CNGA1: variants seen among roughly 807,000 people sequenced by gnomAD.
CNGA1 encodes the protein cyclic nucleotide gated channel subunit alpha 1, also known as cyclic nucleotide-gated channel alpha-1.
Under a neutral mutation model 69.7 loss-of-function variants are expected in CNGA1, and 53 were observed. The observed-to-expected ratio is 0.76, with a 90% CI of 0.61 to 0.96. CNGA1 has a LOEUF of 0.96. Among genes scored for constraint, CNGA1 ranks in the 40% least tolerant of loss-of-function variants. The pLI is 0.00. For missense variants in CNGA1, 739 were observed against 811.2 expected (o/e 0.91, Z 1.08); for synonymous variants, 249 against 283.5 (o/e 0.88, Z 1.22).
intron 3 of CNGA1, among the ~76,000 whole-genome samples, chr4:47,974,329 C>A (rs182230575): frequency 2.8e-4 from 43 of 152,016 alleles, no homozygotes; most frequent in Non-Finnish European, 6.0e-4. Context: ...TCTATATTTT[C>A]TCCTAATATA....
At chr4:48,010,133 A>T (rs1715087681) in intron 2 of CNGA1, among the ~76,000 whole-genome samples, 1 of 152,216 alleles carries the variant, frequency 6.6e-6, no homozygotes, top group East Asian at 1.9e-4. Context: ...ATCAAATAGC[A>T]AAATTTACAT....
At chr4:47,992,586 C>T (rs1017332094) in intron 2 of CNGA1, among the ~76,000 whole-genome samples, 2 of 151,982 alleles carry the variant, frequency 1.3e-5, no homozygotes, top group African/African-American at 4.8e-5. Context: ...TTAGGATTTT[C>T]TAGGTAAACA....
chr4:47,976,911 C>T (rs1381367372), intron 3 of CNGA1, among the ~76,000 whole-genome samples: 4 of 152,122 alleles, frequency 2.6e-5, no homozygotes, highest in African/African-American at 7.2e-5. Flanking sequence ...GACAATATCA[C>T]GTGTGCATAG....
intron 3 of CNGA1, among the ~76,000 whole-genome samples, chr4:47,961,074 T>C (rs1740407511): frequency 6.6e-6 from 1 of 152,170 alleles, no homozygotes; most frequent in South Asian, 2.1e-4. Flanking sequence ...ACAAAAATAT[T>C]TGCATCAAAA....
intron 8 of CNGA1, 109 bp from the exon 9 acceptor site, chr4:47,942,257 A>G: frequency 1.3e-6 from 1 of 744,236 alleles, no homozygotes; most frequent in South Asian, 1.4e-5. Context: ...AAATGGAAGT[A>G]AGCTGGAGAA....
intron 2 of CNGA1, among the ~76,000 whole-genome samples, chr4:47,989,587 C>T (rs998482670): frequency 2.6e-5 from 4 of 151,990 alleles, no homozygotes; most frequent in Non-Finnish European, 5.9e-5. Flanking sequence ...AAATTTTGGT[C>T]AGTCTTAAAG....
intron 2 of CNGA1, among the ~76,000 whole-genome samples, chr4:48,007,237 C>G (rs532175060): frequency 6.6e-6 from 1 of 152,158 alleles, no homozygotes; most frequent in Non-Finnish European, 1.5e-5. Flanking sequence ...ACCTTTATAA[C>G]CTTTATTAAG....
At chr4:47,989,719 A>AT (rs1466056437) in intron 2 of CNGA1, among the ~76,000 whole-genome samples, 12 of 149,104 alleles carry the variant, frequency 8.0e-5, no homozygotes, top group African/African-American at 2.8e-4. Context: ...TTTTGTGGTG[A>AT]TTTGTGAGAT....
At chr4:47,979,029 T>C (rs1476852293) in intron 3 of CNGA1, among the ~76,000 whole-genome samples, 1 of 151,980 alleles carries the variant, frequency 6.6e-6, no homozygotes, top group Non-Finnish European at 1.5e-5. Context: ...TTGTTCAAAA[T>C]CTTGGCACAG....
rs115268343 is a variant in CNGA1 at position 47,989,785 on chromosome 4, T to C, written c.-122-8285A>G. Reference sequence around the variant, plus strand: ...ACTGAACCCTATTTGTAGTCTTTGCTCCCTCACCCCCTTCCCACCCTTTCC... The same window carrying C: ...ACTGAACCCTATTTGTAGTCTTTGCCCCCTCACCCCCTTCCCACCCTTTCC... On this transcript the variant is annotated intron_variant, in intron 2 of 10. Coordinates refer to ENST00000514170, the MANE Select transcript of CNGA1 (RefSeq NM_001379270.1). Among the ~76,000 whole-genome samples, 112 of 150,636 alleles carry C rather than the reference T, an allele frequency of 7.4e-4. 6 individuals are homozygous for C. The highest frequency in any genetic ancestry group is 2.5e-3 in the African/African-American group (101 of 40,024).
intron 3 of CNGA1, among the ~76,000 whole-genome samples, chr4:47,967,403 A>G (rs1406347061): frequency 6.6e-6 from 1 of 152,248 alleles, no homozygotes; most frequent in African/African-American, 2.4e-5. Flanking sequence ...GAATAAGACA[A>G]GGATATTCTA....
intron 2 of CNGA1, among the ~76,000 whole-genome samples, chr4:47,989,962 T>A (rs1742180142): frequency 6.6e-6 from 1 of 152,028 alleles, no homozygotes; most frequent in South Asian, 2.1e-4. Flanking sequence ...TTATAATTTC[T>A]TATGCCTGTC....
chr4:47,945,769 G>A (rs1034101444), intron 6 of CNGA1, among the ~76,000 whole-genome samples: 1 of 152,128 alleles, frequency 6.6e-6, no homozygotes, highest in African/African-American at 2.4e-5. Flanking sequence ...AGGAGTGGTG[G>A]TCTCTCTTAA....
intron 3 of CNGA1, among the ~76,000 whole-genome samples, chr4:47,974,067 TCTAG>T (rs201110296): frequency 1.6e-5 from 2 of 125,184 alleles, no homozygotes; most frequent in South Asian, 2.9e-4. Flanking sequence ...TAACCTGGTC[TCTAG>T]ATAGATAGAT....
intron 6 of CNGA1, among the ~76,000 whole-genome samples, chr4:47,947,070 A>G (rs1739439908): frequency 6.6e-6 from 1 of 152,118 alleles, no homozygotes; most frequent in South Asian, 2.1e-4. Flanking sequence ...TACAGGTGTG[A>G]GCCACCATGC....
At chr4:47,984,992 A>G (rs1378608949) in intron 2 of CNGA1, among the ~76,000 whole-genome samples, 1 of 152,112 alleles carries the variant, frequency 6.6e-6, no homozygotes. Context: ...GCTTAAATAT[A>G]TGGGTTTTGT....
At chr4:47,970,659 A>AAG (rs1235674846) in intron 3 of CNGA1, among the ~76,000 whole-genome samples, 6 of 150,536 alleles carry the variant, frequency 4.0e-5, no homozygotes, top group Admixed American at 6.6e-5. Flanking sequence ...TTAAAAAAAA[A>AAG]AAAGAAAGAA....
In CNGA1 at chr4:47,981,462, G is replaced by T. The variant is rs1741710175; in HGVS notation, c.-84C>A. The T allele has an allele frequency of 6.6e-6, 1 of 152,060 alleles. No homozygotes were observed. Among genetic ancestry groups the T allele is most frequent in the Non-Finnish European group, 1.5e-5 (1 of 68,026 alleles). The allele number at this position is 152,060 out of a possible 1,614,324, so 9.4% of individuals were successfully genotyped here. On this transcript the variant is annotated 5_prime_UTR_variant, in exon 3 of 11. Coordinates refer to ENST00000514170, the MANE Select transcript of CNGA1 (RefSeq NM_001379270.1). ...GTCACTGGTGTATCCAAACAAACAG[G>T]GATATACGGTAAATCTTGACATTGT...
intron 1 of CNGA1, among the ~76,000 whole-genome samples, chr4:48,012,294 T>G (rs993431924): frequency 6.6e-6 from 1 of 152,140 alleles, no homozygotes; most frequent in African/African-American, 2.4e-5. Context: ...TAGGACAAAT[T>G]GCTGCTATTT....
Sources: allele counts gnomAD v4.1 joint callset (sites outside exome capture counted in the v4.1 genomes callset), GRCh38; gene constraint gnomAD v4.1.1; transcripts MANE v1.5; gene names NCBI Gene and HGNC (gene_info 2026-07-23, HGNC 2026-07-21).